ASIC2: variants seen among roughly 807,000 people sequenced by gnomAD.
The protein encoded by ASIC2 is acid-sensing ion channel 2.
Under a neutral mutation model 57.3 loss-of-function variants are expected in ASIC2, and 25 were observed. The ratio of observed to expected loss-of-function variants is 0.44; its 90% CI spans 0.32 to 0.61. ASIC2 has a LOEUF of 0.61. ASIC2 is among the 20% of genes least tolerant of loss of function. The pLI is 0.06. For synonymous variants in ASIC2, 319 were observed against 307.5 expected (o/e 1.04, Z -0.39); for missense variants, 641 against 738.1 (o/e 0.87, Z 1.52).
chr17:33,642,795 C>T (rs1235194880), intron 1 of ASIC2, among the ~76,000 whole-genome samples: 1 of 152,194 alleles, frequency 6.6e-6, no homozygotes, highest in Non-Finnish European at 1.5e-5. Context: ...GAGACAGGAG[C>T]ACCTCCTAGT....
chr17:34,039,252 C>A, intron 1 of ASIC2: 1 of 1,613,952 alleles, frequency 6.2e-7, no homozygotes, highest in East Asian at 2.2e-5. Context: ...CGGACTGGGT[C>A]TGTCTGTGCT....
intron 1 of ASIC2, among the ~76,000 whole-genome samples, chr17:33,725,961 G>A (rs998412552): frequency 6.6e-6 from 1 of 152,188 alleles, no homozygotes; most frequent in Non-Finnish European, 1.5e-5. Flanking sequence ...TTCTTATGGG[G>A]TTCCCAATTG....
intron 1 of ASIC2, among the ~76,000 whole-genome samples, chr17:33,481,341 C>A (rs961858572): frequency 2.0e-5 from 3 of 152,236 alleles, no homozygotes; most frequent in African/African-American, 7.2e-5. Context: ...GTCCTCCCAC[C>A]TGACTCTCAA....
intron 3 of ASIC2, among the ~76,000 whole-genome samples, chr17:33,041,529 C>G (rs1398798057): frequency 6.6e-6 from 1 of 152,166 alleles, no homozygotes; most frequent in Non-Finnish European, 1.5e-5. Flanking sequence ...AATGAATTTC[C>G]CTATCCTACT....
intron 1 of ASIC2, among the ~76,000 whole-genome samples, chr17:33,829,264 G>A (rs991657479): frequency 6.6e-6 from 1 of 152,232 alleles, no homozygotes. Flanking sequence ...AAGAAATGGA[G>A]TTAGAGACAT....
At chr17:33,110,309 G>GC (rs1842990217) in intron 2 of ASIC2, among the ~76,000 whole-genome samples, 1 of 152,156 alleles carries the variant, frequency 6.6e-6, no homozygotes, top group African/African-American at 2.4e-5. Flanking sequence ...TTGTCTACAG[G>GC]CCCCCACGGT....
intron 1 of ASIC2, among the ~76,000 whole-genome samples, chr17:33,266,432 C>T (rs960772853): frequency 6.6e-6 from 1 of 152,128 alleles, no homozygotes; most frequent in Non-Finnish European, 1.5e-5. Context: ...CAACAGATTC[C>T]CAGTTTTTCA....
At chr17:33,147,238 C>T (rs1904598386) in intron 1 of ASIC2, among the ~76,000 whole-genome samples, 1 of 152,060 alleles carries the variant, frequency 6.6e-6, no homozygotes, top group African/African-American at 2.4e-5. Flanking sequence ...GCAAAAAAAG[C>T]AGACTTAAAA....
chr17:33,606,173 G>T (rs540596945), intron 1 of ASIC2, among the ~76,000 whole-genome samples: 1 of 152,330 alleles, frequency 6.6e-6, no homozygotes, highest in East Asian at 1.9e-4. Context: ...GGACCCAGGG[G>T]CCAGCTTGGA....
chr17:34,033,955 C>T (rs1041712220), intron 1 of ASIC2, among the ~76,000 whole-genome samples: 12 of 152,222 alleles, frequency 7.9e-5, no homozygotes, highest in Admixed American at 5.9e-4. Context: ...GATATCACTC[C>T]TTCTGAAATT....
At chr17:33,175,847 C>A (rs750225292) in intron 1 of ASIC2, among the ~76,000 whole-genome samples, 1 of 152,108 alleles carries the variant, frequency 6.6e-6, no homozygotes, top group African/African-American at 2.4e-5. Flanking sequence ...CTCCACCTTG[C>A]GGCCAAGATC....
At chr17:33,280,105 C>T (rs1262413079) in intron 1 of ASIC2, among the ~76,000 whole-genome samples, 2 of 152,118 alleles carry the variant, frequency 1.3e-5, no homozygotes, top group Non-Finnish European at 2.9e-5. Context: ...CATGTTCCTG[C>T]CCCATTTTCG....
intron 1 of ASIC2, among the ~76,000 whole-genome samples, chr17:33,851,579 T>C (rs1025549443): frequency 3.9e-5 from 6 of 152,238 alleles, no homozygotes; most frequent in Non-Finnish European, 7.3e-5. Context: ...TTCTAGAAGA[T>C]GCAGGAAAGG....
rs189955010 is a variant in ASIC2 at position 33,258,813 on chromosome 17, G to T, written c.708+32595C>A. The stretch of plus-strand genomic sequence containing the variant: ...CCAGCTGGTAAGTGGTAGAACAAGG[G>T]ATTTGAACCCAAGACCATCTGGCTT... On this transcript the variant is annotated intron_variant, in intron 1 of 9. Transcript: ENST00000225823. Among the ~76,000 whole-genome samples the T allele has an allele frequency of 2.0e-5, 3 of 152,198 alleles. No individual in the cohort carries two copies. The South Asian group carries it at 6.2e-4, about 31-fold the overall frequency.
At chr17:33,483,691 T>G (rs1913488050) in intron 1 of ASIC2, among the ~76,000 whole-genome samples, 1 of 152,232 alleles carries the variant, frequency 6.6e-6, no homozygotes, top group African/African-American at 2.4e-5. Flanking sequence ...TTGGTGACTA[T>G]TCATGCTCTA....
At chr17:33,315,382 G>A (rs1358699251) in intron 1 of ASIC2, among the ~76,000 whole-genome samples, 1 of 152,164 alleles carries the variant, frequency 6.6e-6, no homozygotes, top group East Asian at 1.9e-4. Context: ...GAAGAATCAA[G>A]TAAGTAGAAA....
chr17:33,583,194 G>A (rs1904498937), intron 1 of ASIC2, among the ~76,000 whole-genome samples: 1 of 152,200 alleles, frequency 6.6e-6, no homozygotes, highest in Non-Finnish European at 1.5e-5. Context: ...GGACTCACAA[G>A]GCCTCAATGC....
chr17:33,713,698 C>T (rs145049087), intron 1 of ASIC2, among the ~76,000 whole-genome samples: 28 of 152,362 alleles, frequency 1.8e-4, no homozygotes, highest in South Asian at 6.2e-4. Context: ...TGCTATTCAA[C>T]GCAGTATAGC....
chr17:33,461,704 A>C (rs948871476), intron 1 of ASIC2, among the ~76,000 whole-genome samples: 1 of 152,160 alleles, frequency 6.6e-6, no homozygotes, highest in African/African-American at 2.4e-5. Flanking sequence ...GGGTGTGTTT[A>C]TGTATCTACA....
Sources: allele counts gnomAD v4.1 joint callset (sites outside exome capture counted in the v4.1 genomes callset), GRCh38; gene constraint gnomAD v4.1.1; transcripts MANE v1.5; gene names NCBI Gene and HGNC (gene_info 2026-07-23, HGNC 2026-07-21).